The following SHOC1 variants were observed in gnomAD, a reference collection of about 807,000 sequenced individuals.
SHOC1 encodes the protein shortage in chiasmata 1, also known as protein shortage in chiasmata 1 ortholog.
A neutral mutation model predicts 179.2 loss-of-function variants in SHOC1; 136 were observed. The observed-to-expected ratio is 0.76, with a 90% CI of 0.66 to 0.87. The LOEUF is 0.87. SHOC1 is among the 40% of genes least tolerant of loss of function. The pLI is 0.00. For synonymous variants in SHOC1, 489 were observed against 586.6 expected (o/e 0.83, Z 2.41); for missense variants, 1,538 against 1,700.8 (o/e 0.90, Z 1.68).
chr9:111,708,265 C>T (rs1032255882), intron 18 of SHOC1, among the ~76,000 whole-genome samples: 2 of 151,138 alleles, frequency 1.3e-5, no homozygotes, highest in Admixed American at 6.6e-5. Flanking sequence ...TTCTGTGGTG[C>T]GATCTTGGCT....
Position 111,705,251 on chromosome 9 carries a change from A to T in SHOC1, c.2851T>A (p.Ser951Thr). Reference sequence around the variant, plus strand: ...ATTGTGAAATCAATAACTTACTTGGATTCTAGCAGCTGAAGTATGTCTGGA... The same window carrying T: ...ATTGTGAAATCAATAACTTACTTGGTTTCTAGCAGCTGAAGTATGTCTGGA... The part of the protein sequence containing the change: ...NTPDILQLLE[S>T]NYNISLVERG... Residue 951 changes from serine (S) to threonine (T), a missense_variant, in exon 21 of 28, where the codon TCC becomes ACC. Transcript: ENST00000682961. The T allele has an allele frequency of 2.0e-6, 3 of 1,501,266 alleles. No homozygotes were observed. The highest frequency in any genetic ancestry group is 2.7e-6 in the Non-Finnish European group (3 of 1,103,914). The allele number at this position is 1,501,266 out of a possible 1,614,324, so 93.0% of individuals were successfully genotyped here.
chr9:111,741,858 C>T (rs1446818336), intron 10 of SHOC1, among the ~76,000 whole-genome samples: 1 of 152,116 alleles, frequency 6.6e-6, no homozygotes, highest in African/African-American at 2.4e-5. Context: ...TCTCCAGCTC[C>T]TGACCTCAAG....
intron 9 of SHOC1, 102 bp downstream of exon 9, chr9:111,747,990 A>G: frequency 1.4e-6 from 1 of 694,646 alleles, no homozygotes; most frequent in Non-Finnish European, 2.5e-6. Context: ...AATTTTAAAC[A>G]TGGAAACTGA....
chr9:111,730,001 C>T (rs1445600728), intron 12 of SHOC1, among the ~76,000 whole-genome samples: 1 of 152,092 alleles, frequency 6.6e-6, no homozygotes, highest in Non-Finnish European at 1.5e-5. Flanking sequence ...TTCACAGAAT[C>T]TTCACCAGGG....
At chr9:111,710,720 A>C (rs929722322) in intron 18 of SHOC1, among the ~76,000 whole-genome samples, 2 of 152,164 alleles carry the variant, frequency 1.3e-5, no homozygotes, top group Non-Finnish European at 2.9e-5. Flanking sequence ...ACAGAGGAAA[A>C]GCATTGAAAT....
chr9:111,687,750 T>G (rs987238040), intron 27 of SHOC1, among the ~76,000 whole-genome samples: 2 of 100,054 alleles, frequency 2.0e-5, no homozygotes, highest in African/African-American at 1.1e-4. Context: ...GTTTTTCTTC[T>G]TCTTCTTTTT....
chr9:111,692,612 T>C, intron 26 of SHOC1, 101 bp from the exon 27 acceptor site: 1 of 760,402 alleles, frequency 1.3e-6, no homozygotes, highest in Non-Finnish European at 2.0e-6. Flanking sequence ...GGTAGTCTAT[T>C]CATAGATATT....
chr9:111,726,646 T>G (rs946033655), intron 13 of SHOC1, among the ~76,000 whole-genome samples: 1 of 152,234 alleles, frequency 6.6e-6, no homozygotes, highest in African/African-American at 2.4e-5. Flanking sequence ...CATTAAGAAC[T>G]GAAGATCTTG....
chr9:111,687,154 G>C (rs1831213237), intron 27 of SHOC1, among the ~76,000 whole-genome samples: 1 of 151,772 alleles, frequency 6.6e-6, no homozygotes, highest in Admixed American at 6.6e-5. Context: ...TGCCATGTTG[G>C]GCAGGCTAGT....
chr9:111,769,986 G>GTTTTTTTTTCTTTTTTTTTTT (rs1835523178), intron 5 of SHOC1, among the ~76,000 whole-genome samples: 1 of 77,662 alleles, frequency 1.3e-5, no homozygotes, highest in African/African-American at 6.6e-5. Context: ...TTTTTTTTTT[G>GTTTTTTTTTCTTTTTTTTTTT]TTTTTTTTTT....
chr9:111,699,349 G>A (rs973024704), intron 24 of SHOC1, among the ~76,000 whole-genome samples: 1 of 152,174 alleles, frequency 6.6e-6, no homozygotes, highest in African/African-American at 2.4e-5. Context: ...GTACTTGTTG[G>A]ATATTCACGT....
intron 18 of SHOC1, among the ~76,000 whole-genome samples, chr9:111,710,772 T>C (rs1306269156): frequency 6.6e-6 from 1 of 152,092 alleles, no homozygotes; most frequent in Non-Finnish European, 1.5e-5. Flanking sequence ...TTTTTAAAAA[T>C]GTGTAGGAGT....
chr9:111,763,360 C>A (rs1835220095), intron 5 of SHOC1, among the ~76,000 whole-genome samples: 2 of 151,702 alleles, frequency 1.3e-5, no homozygotes. Flanking sequence ...AACAATAGAC[C>A]CACAAAGCAC....
At chr9:111,725,981 T>C (rs1833277209) in intron 13 of SHOC1, among the ~76,000 whole-genome samples, 1 of 152,162 alleles carries the variant, frequency 6.6e-6, no homozygotes. Flanking sequence ...TGGGGTGGAT[T>C]CCTTTTTTGT....
Position 111,755,369 on chromosome 9 carries a change from T to G in SHOC1, c.862+956A>C, listed in dbSNP as rs1169058717. Among the ~76,000 whole-genome samples the G allele has an allele frequency of 2.0e-5, 3 of 152,340 alleles. No individual in the cohort carries two copies. The East Asian group carries it at 5.8e-4, about 29-fold the overall frequency. ...AGAACAGTAATTCCCTGATTTAGTTTTAATCGTAAGAATTCCTTCAAGTCT... is the reference window on the plus strand; with the variant it reads ...AGAACAGTAATTCCCTGATTTAGTTGTAATCGTAAGAATTCCTTCAAGTCT... On this transcript the variant is annotated intron_variant, in intron 8 of 27. Transcript: ENST00000682961.
intron 13 of SHOC1, 109 bp downstream of exon 13, chr9:111,727,523 AT>A: frequency 2.0e-6 from 2 of 998,428 alleles, no homozygotes; most frequent in Non-Finnish European, 2.8e-6. Context: ...ACTACAAAAA[AT>A]AACATAATTT....
At chr9:111,702,288 T>A in intron 22 of SHOC1, 62 bp from the exon 23 acceptor site, 8 of 1,066,818 alleles carry the variant, frequency 7.5e-6, no homozygotes, top group Non-Finnish European at 1.1e-5. Context: ...TGAAATTATG[T>A]TATCATTATT....
intron 4 of SHOC1, among the ~76,000 whole-genome samples, chr9:111,777,257 C>A (rs975401567): frequency 6.6e-6 from 1 of 152,186 alleles, no homozygotes; most frequent in African/African-American, 2.4e-5. Context: ...CAGACTCTTG[C>A]AGCCAGAGGC....
At chr9:111,791,334 T>A (rs1450445201) in intron 2 of SHOC1, 40 bp downstream of exon 2, 1 of 1,225,774 alleles carries the variant, frequency 8.2e-7, no homozygotes, top group South Asian at 2.0e-5. Context: ...TCTTACATCA[T>A]AATTCTCAGT....
Sources: gnomAD v4.1 joint callset for allele counts (sites outside exome capture counted in the v4.1 genomes callset) on GRCh38, gnomAD v4.1.1 for gene constraint, MANE v1.5 for transcripts, NCBI Gene and HGNC (gene_info 2026-07-23, HGNC 2026-07-21) for gene names.